Variants in EFNA2 observed in about 807,000 individuals in gnomAD.
The protein encoded by EFNA2 is ephrin A2, also known as ephrin-A2.
Under a neutral mutation model 19.7 loss-of-function variants are expected in EFNA2, and 18 were observed. That is an observed-to-expected ratio of 0.91 (90% CI 0.63 to 1.35). EFNA2 has a LOEUF of 1.35. Ranked by LOEUF, EFNA2 falls within the 40% of genes most tolerant of loss-of-function variation. The pLI is 0.00. For synonymous variants in EFNA2, 187 were observed against 137.8 expected, an observed-to-expected ratio of 1.36 and a Z score of -2.50; for missense variants, 303 against 296.0, an observed-to-expected ratio of 1.02 and a Z score of -0.17.
chr19:1,291,232 G>A (rs981959464), intron 1 of EFNA2, among the ~76,000 whole-genome samples: 2 of 152,178 alleles, frequency 1.3e-5, no homozygotes, highest in Non-Finnish European at 2.9e-5. Flanking sequence ...CGGAAGCCCA[G>A]GTGGGGCTGA....
rs756407702 is a variant in EFNA2 at position 1,296,788 on chromosome 19, A to G, written c.454+930A>G. Among the ~76,000 whole-genome samples, 33 of 152,082 alleles carry G rather than the reference A, an allele frequency of 2.2e-4. No homozygotes were observed. The highest frequency in any genetic ancestry group is 4.7e-4 in the Non-Finnish European group (32 of 67,982). ...TGCCAGGCTCGGAGACTCCCTGAGGACCGTGGGGTCTTCATCTGAAGGTTG... is the reference window on the plus strand; with the variant it reads ...TGCCAGGCTCGGAGACTCCCTGAGGGCCGTGGGGTCTTCATCTGAAGGTTG... On this transcript the variant is annotated intron_variant, in intron 2 of 3. Transcript: ENST00000215368. This position sits in a 1 kb window ranked among gnomAD's most constrained non-coding sequence, Gnocchi z 4.4.
rs1264307194 is a variant in EFNA2 at position 1,297,342 on chromosome 19, TG to T, written c.455-1208del. 1.3e-5 allele frequency among the ~76,000 whole-genome samples: 2 copies of T among 152,076 alleles called. No individual in the cohort carries two copies. The highest frequency in any genetic ancestry group is 6.5e-5 in the Admixed American group (1 of 15,282). On this transcript the variant is annotated intron_variant, in intron 2 of 3. Transcript: ENST00000215368. The surrounding 1 kb of genome is among the most constrained non-coding windows in gnomAD (Gnocchi z 5.0). ...GAAGCGGGTGGGGGACGGGGGAAGG[TG>T]TTTAAATTAAGTCCCCATAATATGA...
At chr19:1,285,163 G>C (rs1013149264), upstream of EFNA2, among the ~76,000 whole-genome samples, 1 of 152,172 alleles carries the variant, frequency 6.6e-6, no homozygotes, top group East Asian at 1.9e-4. The surrounding 1 kb of genome is among the most constrained non-coding windows in gnomAD (Gnocchi z 4.1). Flanking sequence ...GAAATCACTC[G>C]GCGTTCCCTG....
intron 1 of EFNA2, among the ~76,000 whole-genome samples, chr19:1,291,140 AGGGACAGCCCTGGGAGGGGCAGGAAGGT>A: frequency 6.6e-6 from 1 of 152,318 alleles, no homozygotes; most frequent in East Asian, 1.9e-4. Context: ...GGGGGAAGCC[AGGGACAGCCCTGGGAGGGGCAGGAAGGT>A]GGGTGGCCGA....
chr19:1,299,162 C>T (rs1190225209), intron 3 of EFNA2, among the ~76,000 whole-genome samples: 6 of 152,070 alleles, frequency 3.9e-5, no homozygotes, highest in Non-Finnish European at 8.8e-5. Context: ...CACTTGAACC[C>T]GGGAAGTGGA....
At position 1,300,058 on chromosome 19, in the gene EFNA2, CT is replaced by C. The variant is rs1213806572; in HGVS notation, c.*115del. The C allele has an allele frequency of 6.5e-6, 9 of 1,381,510 alleles. No homozygotes were observed. Among genetic ancestry groups the C allele is most frequent in the African/African-American group, 1.5e-5 (1 of 67,624 alleles). 85.6% of individuals were successfully genotyped at this position (1,381,510 alleles called of 1,614,324 possible). ...CCTCCGAGACCAAATAGAGACGCTG[CT>C]TCTCCCTCGCCTGGTGCCGCCCCCG... On this transcript the variant is annotated 3_prime_UTR_variant, in exon 4 of 4. Transcript: ENST00000215368.
rs1250693834 is a variant in EFNA2, at chr19:1,296,732, C to T, written c.454+874C>T. Among the ~76,000 whole-genome samples, 1 of 152,190 alleles carries T rather than the reference C, an allele frequency of 6.6e-6. No individual in the cohort carries two copies. The highest frequency in any genetic ancestry group is 6.5e-5 in the Admixed American group (1 of 15,288). On this transcript the variant is annotated intron_variant, in intron 2 of 3. Transcript: ENST00000215368. This position sits in a 1 kb window ranked among gnomAD's most constrained non-coding sequence, Gnocchi z 4.4. The stretch of plus-strand genomic sequence containing the variant: ...AGGGGTCTCCAGGTCCTCCCTGCCC[C>T]GCACCCACCCCCGCATCTCCCCGGG...
upstream of EFNA2, among the ~76,000 whole-genome samples, chr19:1,285,779 G>A (rs532524150): frequency 2.8e-3 from 413 of 149,846 alleles, 1 homozygote; most frequent in African/African-American, 9.3e-3. The surrounding 1 kb of genome is among the most constrained non-coding windows in gnomAD (Gnocchi z 4.1). Flanking sequence ...GGGGGCGGGC[G>A]CAGGCTGGAG....
In EFNA2 at chr19:1,291,176, C is replaced by T. The variant is rs527331646; in HGVS notation, c.141-4369C>T. On this transcript the variant is annotated intron_variant, in intron 1 of 3. Coordinates refer to ENST00000215368, the MANE Select transcript of EFNA2 (RefSeq NM_001405.4). Reference sequence around the variant, plus strand: ...TGGGAGGGGCAGGAAGGTGGGTGGCCGACGGCAGCTGCACTCTGTACCAGG... The same window carrying T: ...TGGGAGGGGCAGGAAGGTGGGTGGCTGACGGCAGCTGCACTCTGTACCAGG... Among the ~76,000 whole-genome samples the T allele has an allele frequency of 2.6e-5, 4 of 152,262 alleles. No individual in the cohort carries two copies. In the South Asian group the frequency reaches 8.3e-4, roughly 32 times the overall value.
chr19:1,288,222 G>T (rs541436524), intron 1 of EFNA2, among the ~76,000 whole-genome samples: 1 of 152,254 alleles, frequency 6.6e-6, no homozygotes, highest in Non-Finnish European at 1.5e-5. Context: ...CCGGGATCCA[G>T]CCAGAATCAG....
intron 1 of EFNA2, among the ~76,000 whole-genome samples, chr19:1,290,829 A>G (rs1362590899): frequency 6.6e-6 from 1 of 152,110 alleles, no homozygotes; most frequent in Non-Finnish European, 1.5e-5. Context: ...GAGCCTGCGG[A>G]GGAGCAGACG....
At chr19:1,291,681 C>T (rs1351398168) in intron 1 of EFNA2, among the ~76,000 whole-genome samples, 2 of 152,246 alleles carry the variant, frequency 1.3e-5, no homozygotes, top group African/African-American at 2.4e-5. Context: ...GCCTCAGTTT[C>T]CAGTCCTGGA....
chr19:1,287,036 GC>G lies in EFNA2; in HGVS notation c.140+731del, dbSNP rs149802280. Among the ~76,000 whole-genome samples, 565 of 152,308 alleles carry G rather than the reference GC, an allele frequency of 3.7e-3. 5 individuals carry two copies. Among genetic ancestry groups the G allele is most frequent in the African/African-American group, 0.013 (548 of 41,560 alleles). ...GGGACTTGGGGGCAGGACCCAGGTG[GC>G]CCAGTGCCCTGCCTGCCACGCCCGG... On this transcript the variant is annotated intron_variant, in intron 1 of 3. Coordinates refer to ENST00000215368, the MANE Select transcript of EFNA2 (RefSeq NM_001405.4). The surrounding 1 kb of genome is among the most constrained non-coding windows in gnomAD (Gnocchi z 6.2).
At chr19:1,292,183 C>G (rs2081494740) in intron 1 of EFNA2, among the ~76,000 whole-genome samples, 1 of 152,222 alleles carries the variant, frequency 6.6e-6, no homozygotes, top group East Asian at 1.9e-4. Flanking sequence ...CCACCCTCAA[C>G]AGGGGCAACG....
At chr19:1,292,020 A>G (rs1375719102) in intron 1 of EFNA2, among the ~76,000 whole-genome samples, 2 of 152,178 alleles carry the variant, frequency 1.3e-5, no homozygotes, top group Non-Finnish European at 2.9e-5. Flanking sequence ...ATCCCAAATC[A>G]GTCATTAACC....
chr19:1,295,532 CT>C lies in EFNA2; in HGVS notation c.141-11del. 6.4e-7 allele frequency: 1 copy of C among 1,569,328 alleles called. No homozygotes were observed. ...GCTCCGGGCGCTGACCTCTGGCCGC[CT>C]TGTCCCCGCAGGTTCCACGCAGGCG... On this transcript the variant is annotated splice_polypyrimidine_tract_variant and intron_variant, in intron 1 of 3. Transcript: ENST00000215368. The surrounding 1 kb of genome is among the most constrained non-coding windows in gnomAD (Gnocchi z 5.8).
chr19:1,286,186 C>T lies in EFNA2; in HGVS notation c.18C>T (p.Arg6=), dbSNP rs1016558380. The T allele has an allele frequency of 4.9e-6, 5 of 1,026,134 alleles. No homozygotes were observed. In the African/African-American group the frequency reaches 8.7e-5, roughly 18 times the overall value. 63.6% of individuals were successfully genotyped at this position (1,026,134 alleles called of 1,614,324 possible). A position where few individuals can be genotyped will look rare whatever the true frequency, so the allele number is the denominator to read the frequency against. The change falls in exon 1 of 4, where the codon CGC becomes CGT. Residue 6 remains arginine (R), a synonymous_variant. Coordinates refer to ENST00000215368, the MANE Select transcript of EFNA2 (RefSeq NM_001405.4). The surrounding 1 kb of genome is among the most constrained non-coding windows in gnomAD (Gnocchi z 5.6). MAPAQ[R]PLLPLLLLLL... is the part of the protein sequence containing the mutation. ...CCGGGGCCATGGCGCCCGCGCAGCG[C>T]CCGCTGCTCCCGCTGCTGCTCCTGC...
In EFNA2 at chr19:1,300,481, T is replaced by G. The variant is rs1279770115; in HGVS notation, c.*536T>G. 6.8e-6 allele frequency among the ~76,000 whole-genome samples: 1 copy of G among 148,146 alleles called. No homozygotes were observed. Among genetic ancestry groups the G allele is most frequent in the African/African-American group, 2.5e-5 (1 of 40,742 alleles). On this transcript the variant is annotated 3_prime_UTR_variant, in exon 4 of 4. Coordinates refer to ENST00000215368, the MANE Select transcript of EFNA2 (RefSeq NM_001405.4). ...TCCCCTCTGCTCTGCACCCCACTCG[T>G]GGGGGAACACAGCCGCTCCCCTCTG...
In EFNA2 at chr19:1,297,736, C is replaced by T. The variant is rs2081522244; in HGVS notation, c.455-815C>T. On this transcript the variant is annotated intron_variant, in intron 2 of 3. Transcript: ENST00000215368. This position sits in a 1 kb window ranked among gnomAD's most constrained non-coding sequence, Gnocchi z 5.0. ...GCTTCTGGGGGCCCGAAAGCAGGGG[C>T]GGTGATGCTGGAATTTTGGGCGTAA... Among the ~76,000 whole-genome samples the T allele has an allele frequency of 1.3e-5, 2 of 152,112 alleles. No individual in the cohort carries two copies. The highest frequency in any genetic ancestry group is 4.8e-5 in the African/African-American group (2 of 41,424).
Sources: gnomAD v4.1 joint callset for allele counts (sites outside exome capture counted in the v4.1 genomes callset) on GRCh38, gnomAD v4.1.1 for gene constraint, Gnocchi (gnomAD v3.1) non-coding constraint, MANE v1.5 for transcripts, NCBI Gene and HGNC (gene_info 2026-07-23, HGNC 2026-07-21) for gene names.